Variants in KCNQ4 observed in about 807,000 individuals in gnomAD.
The protein encoded by KCNQ4 is potassium voltage-gated channel subfamily KQT member 4.
KCNQ4 carries 31 observed loss-of-function variants against 72.6 expected under a neutral mutation model. The observed-to-expected ratio is 0.43, with a 90% CI of 0.32 to 0.58. The LOEUF is 0.58. Ranked by LOEUF, KCNQ4 falls within the 20% of genes least tolerant of loss-of-function variation. The pLI, the probability that KCNQ4 is intolerant of heterozygous loss-of-function variation, is 0.08. For missense variants in KCNQ4, 869 were observed against 962.6 expected (o/e 0.90, Z 1.29); for synonymous variants, 405 against 403.7 (o/e 1.00, Z -0.04).
In KCNQ4 at chr1:40,826,403, A is replaced by C. The variant is rs377190074; in HGVS notation, c.1292+2145A>C. 3.3e-5 allele frequency among the ~76,000 whole-genome samples: 5 copies of C among 152,264 alleles called. No homozygotes were observed. In the East Asian group the frequency reaches 5.8e-4, roughly 18 times the overall value. On this transcript the variant is annotated intron_variant, in intron 9 of 13. Transcript: ENST00000347132. ...GACCTGTCTCCAAGCCCACAGGATC[A>C]GAATCTCTGGAGAAGAGACACAGCC...
At chr1:40,787,037 C>A (rs1380491587) in intron 1 of KCNQ4, among the ~76,000 whole-genome samples, 2 of 152,134 alleles carry the variant, frequency 1.3e-5, no homozygotes, top group Non-Finnish European at 2.9e-5. Flanking sequence ...TTAGCTAGGA[C>A]CCCCTTCCCA....
intron 12 of KCNQ4, 42 bp downstream of exon 12, chr1:40,835,140 AG>A: frequency 6.2e-7 from 1 of 1,602,404 alleles, no homozygotes; most frequent in African/African-American, 1.3e-5. Context: ...GCAGGGAGGC[AG>A]CGACCCCAGC....
chr1:40,784,195 C>G lies in KCNQ4; in HGVS notation c.102C>G (p.Gly34=). 9.0e-7 allele frequency: 1 copy of G among 1,116,502 alleles called. No homozygotes were observed. Among genetic ancestry groups the G allele is most frequent in the Non-Finnish European group, 1.1e-6 (1 of 916,972 alleles). 69.2% of individuals were successfully genotyped at this position (1,116,502 alleles called of 1,614,324 possible). A position where few individuals can be genotyped will look rare whatever the true frequency, so the allele number is the denominator to read the frequency against. The change falls in exon 1 of 14, where the codon GGC becomes GGG. Residue 34 remains glycine (G), a synonymous_variant. Coordinates refer to ENST00000347132, the MANE Select transcript of KCNQ4 (RefSeq NM_004700.4). This position sits in a 1 kb window ranked among gnomAD's most constrained non-coding sequence, Gnocchi z 4.1. ...TCACGGCCGTGCAGAGCGAACAGGGCGAGGCGGGCGGGGGCGGCTCCCCGC... is the reference window on the plus strand; with the variant it reads ...TCACGGCCGTGCAGAGCGAACAGGGGGAGGCGGGCGGGGGCGGCTCCCCGC... ...VALTAVQSEQ[G]EAGGGGSPRR... is the part of the protein sequence containing the mutation.
rs1347676173 is a variant in KCNQ4 at position 40,784,146 on chromosome 1, C to T, written c.53C>T (p.Ala18Val). 5 of 1,032,194 alleles carry T rather than the reference C, an allele frequency of 4.8e-6. No individual in the cohort carries two copies. Among genetic ancestry groups the T allele is most frequent in the Middle Eastern group, 4.3e-4 (1 of 2,306 alleles). 63.9% of individuals were successfully genotyped at this position (1,032,194 alleles called of 1,614,324 possible). The change falls in exon 1 of 14, where the codon GCC becomes GTC. Residue 18 changes from alanine to valine, a missense_variant. By Grantham distance (64) the Ala-to-Val change is moderately conservative. Transcript: ENST00000347132. The surrounding 1 kb of genome is among the most constrained non-coding windows in gnomAD (Gnocchi z 4.1). ...GGCCTGGGTCCCCCGCCCGGGGACG[C>T]CCCCCGCGCGGAGCTAGTGGCGCTC... ...RLGLGPPPGD[A>V]PRAELVALTA... is the part of the protein sequence containing the mutation.
chr1:40,802,933 C>T (rs959844368), intron 1 of KCNQ4, among the ~76,000 whole-genome samples: 2 of 152,170 alleles, frequency 1.3e-5, no homozygotes, highest in East Asian at 1.9e-4. Flanking sequence ...AATTCAAGCC[C>T]ATTCTTTTGA....
intron 10 of KCNQ4, among the ~76,000 whole-genome samples, chr1:40,832,055 T>G (rs958111194): frequency 7.9e-5 from 12 of 152,226 alleles, no homozygotes; most frequent in Non-Finnish European, 1.6e-4. Flanking sequence ...TTTTCTGAGT[T>G]TTGGCTCTGC....
chr1:40,838,424 C>A lies in KCNQ4; in HGVS notation c.1989C>A (p.Asp663Glu), dbSNP rs1648876252. 6.2e-7 allele frequency: 1 copy of A among 1,614,032 alleles called. No homozygotes were observed. Among genetic ancestry groups the A allele is most frequent in the African/African-American group, 1.3e-5 (1 of 74,942 alleles). Residue 663 changes from aspartate (D) to glutamate (E), a missense_variant, in exon 14 of 14, where the codon GAC (aspartate) becomes GAA (glutamate). Physicochemically the swap from Asp to Glu is conservative, Grantham distance 45. Around this residue, in one of 5 missense-constraint regions of KCNQ4, gnomAD observed 480 missense variants for 501.9 expected, o/e 0.96. Transcript: ENST00000347132. ...TGCAAGTGCCGCTGTTCGACCCCGA[C>A]ATCACCTCCGACTACCACAGCCCTG... ...GAVQVPLFDP[D>E]ITSDYHSPVD...
At chr1:40,815,023 C>T (rs1045057885) in intron 1 of KCNQ4, among the ~76,000 whole-genome samples, 2 of 151,948 alleles carry the variant, frequency 1.3e-5, no homozygotes, top group Admixed American at 6.6e-5. Context: ...AGGTGGATCA[C>T]GAGGTCAGGA....
At chr1:40,823,463 G>A (rs1648369901) in intron 8 of KCNQ4, among the ~76,000 whole-genome samples, 1 of 152,154 alleles carries the variant, frequency 6.6e-6, no homozygotes, top group Non-Finnish European at 1.5e-5. Flanking sequence ...TAGGACCTCT[G>A]CCCAGAGGAA....
Position 40,818,286 on chromosome 1 carries a change from C to T in KCNQ4, c.528C>T (p.Val176=). Residue 176 remains valine (V), a synonymous_variant, in exon 3 of 14, where the codon GTC becomes GTT. Coordinates refer to ENST00000347132, the MANE Select transcript of KCNQ4 (RefSeq NM_004700.4). ...GCTTTGCCAGAAAGCCCTTCTGTGT[C>T]ATCGGTAATGAGGCGCGCCCCGCCC... is the stretch of plus-strand genomic sequence containing the variant. ...RFRFARKPFC[V]IDFIVFVASV... 2.5e-6 allele frequency: 4 copies of T among 1,613,810 alleles called. No homozygotes were observed. The highest frequency in any genetic ancestry group is 3.4e-6 in the Non-Finnish European group (4 of 1,180,022).
intron 1 of KCNQ4, among the ~76,000 whole-genome samples, chr1:40,805,337 T>G (rs1647725724): frequency 6.6e-6 from 1 of 152,060 alleles, no homozygotes; most frequent in Non-Finnish European, 1.5e-5. Context: ...CTGCTCAAAC[T>G]CCCCATCTCA....
chr1:40,823,809 C>T (rs910708580), intron 8 of KCNQ4, among the ~76,000 whole-genome samples: 28 of 152,324 alleles, frequency 1.8e-4, no homozygotes, highest in African/African-American at 6.5e-4. Flanking sequence ...AGGCACGGCA[C>T]GTTCAGGCAG....
intron 10 of KCNQ4, among the ~76,000 whole-genome samples, 189 bp downstream of exon 10, chr1:40,831,493 A>T (rs566297143): frequency 6.6e-5 from 10 of 152,340 alleles, no homozygotes; most frequent in African/African-American, 2.4e-4. Flanking sequence ...AATGGACATC[A>T]GACTGTTTGG....
rs1011944551 is a variant in KCNQ4, at chr1:40,819,392, G to A, written c.754G>A (p.Ala252Thr). The change falls in exon 5 of 14, where the codon GCC becomes ACC. Residue 252 changes from alanine to threonine, a missense_variant. Ala to Thr is a moderately conservative substitution (Grantham distance 58). Transcript: ENST00000347132. ...CATCGGGTTCCTGGTGCTCATCTTCGCCTCCTTCCTGGTCTACCTGGCTGA... is the reference window on the plus strand; with the variant it reads ...CATCGGGTTCCTGGTGCTCATCTTCACCTCCTTCCTGGTCTACCTGGCTGA... ...WYIGFLVLIF[A>T]SFLVYLAEKD... The A allele has an allele frequency of 1.2e-6, 2 of 1,613,850 alleles. No homozygotes were observed. Among genetic ancestry groups the A allele is most frequent in the East Asian group, 2.2e-5 (1 of 44,874 alleles).
At chr1:40,830,564 G>T (rs1464014737) in intron 9 of KCNQ4, among the ~76,000 whole-genome samples, 1 of 151,944 alleles carries the variant, frequency 6.6e-6, no homozygotes, top group Admixed American at 6.5e-5. Flanking sequence ...GTGTGCACAA[G>T]GTGTGTGTGT....
At chr1:40,799,988 C>T (rs1647529701) in intron 1 of KCNQ4, among the ~76,000 whole-genome samples, 1 of 152,184 alleles carries the variant, frequency 6.6e-6, no homozygotes. Context: ...CACTCTATGC[C>T]AGCCTATATG....
At chr1:40,805,910 C>T (rs746662672) in intron 1 of KCNQ4, among the ~76,000 whole-genome samples, 6 of 152,018 alleles carry the variant, frequency 3.9e-5, no homozygotes, top group Non-Finnish European at 8.8e-5. Context: ...GGCGCAATCT[C>T]GGCTCACTGC....
Position 40,818,519 on chromosome 1 carries a change from G to C in KCNQ4, c.547G>C (p.Val183Leu), listed in dbSNP as rs555787223. ...CGCCCCTGCAGACTTCATCGTGTTC[G>C]TGGCCTCGGTGGCCGTCATCGCCGC... The part of the protein sequence containing the change: ...PFCVIDFIVF[V>L]ASVAVIAAGT... Residue 183 changes from valine to leucine, a missense_variant, in exon 4 of 14, where the codon GTG (valine) becomes CTG (leucine). Coordinates refer to ENST00000347132, the MANE Select transcript of KCNQ4 (RefSeq NM_004700.4). 1 of 1,601,730 alleles carries C rather than the reference G, an allele frequency of 6.2e-7. No individual in the cohort carries two copies. Among genetic ancestry groups the C allele is most frequent in the Admixed American group, 1.7e-5 (1 of 60,010 alleles).
At chr1:40,836,611 G>C (rs981213561) in intron 12 of KCNQ4, among the ~76,000 whole-genome samples, 1 of 152,212 alleles carries the variant, frequency 6.6e-6, no homozygotes, top group African/African-American at 2.4e-5. Flanking sequence ...GGATCCTGCA[G>C]TGTTTCCAGG....
Sources: allele counts gnomAD v4.1 joint callset (sites outside exome capture counted in the v4.1 genomes callset), GRCh38; gene constraint gnomAD v4.1.1; regional missense constraint gnomAD v4.1.1; non-coding constraint Gnocchi (gnomAD v3.1); transcripts MANE v1.5; gene names NCBI Gene and HGNC (gene_info 2026-07-23, HGNC 2026-07-21).